Variants in RASGRF2 observed in about 807,000 individuals in gnomAD.
The protein encoded by RASGRF2 is ras-specific guanine nucleotide-releasing factor 2.
Under a neutral mutation model 151.0 loss-of-function variants are expected in RASGRF2, and 76 were observed. That is an observed-to-expected ratio of 0.50 (90% confidence interval 0.42 to 0.61). The LOEUF (loss-of-function observed/expected upper bound fraction) is 0.61. Ranked by LOEUF, RASGRF2 falls within the 20% of genes least tolerant of loss-of-function variation. The probability of loss-of-function intolerance (pLI) is 0.00; values close to 1 mark genes in which losing one functional copy is unlikely to be tolerated. For synonymous variants in RASGRF2, 504 were observed against 566.5 expected, an observed-to-expected ratio of 0.89 and a Z score of 1.57; for missense variants, 1,148 against 1,564.6, an observed-to-expected ratio of 0.73 and a Z score of 4.49.
intron 2 of RASGRF2, among the ~76,000 whole-genome samples, chr5:81,048,457 A>G (rs546127170): frequency 6.6e-6 from 1 of 152,280 alleles, no homozygotes; most frequent in East Asian, 1.9e-4. Flanking sequence ...GATGGTTACA[A>G]TTGTTTTCTA....
chr5:81,016,648 A>G (rs1561555973), intron 1 of RASGRF2, among the ~76,000 whole-genome samples: 1 of 152,212 alleles, frequency 6.6e-6, no homozygotes, highest in South Asian at 2.1e-4. Flanking sequence ...TGTATTTAAT[A>G]GAATAATATA....
At chr5:80,981,535 G>A (rs1367661825) in intron 1 of RASGRF2, among the ~76,000 whole-genome samples, 3 of 152,010 alleles carry the variant, frequency 2.0e-5, no homozygotes. Context: ...GTGTATGTGC[G>A]TGTTTGTGTG....
chr5:81,195,301 T>C (rs1021482526), intron 18 of RASGRF2, among the ~76,000 whole-genome samples: 6 of 152,164 alleles, frequency 3.9e-5, no homozygotes, highest in African/African-American at 1.4e-4. Flanking sequence ...TTTCAGGACT[T>C]GGGGAAATGT....
chr5:81,151,240 G>A (rs945891774), intron 17 of RASGRF2, among the ~76,000 whole-genome samples: 1 of 152,188 alleles, frequency 6.6e-6, no homozygotes, highest in South Asian at 2.1e-4. Context: ...GGCATCCCCT[G>A]AGCATGTTCC....
At chr5:81,189,804 C>G (rs1755116651) in intron 18 of RASGRF2, among the ~76,000 whole-genome samples, 1 of 151,178 alleles carries the variant, frequency 6.6e-6, no homozygotes, top group Non-Finnish European at 1.5e-5. Context: ...CTACACCTCC[C>G]AGGTTCAAGC....
intron 13 of RASGRF2, among the ~76,000 whole-genome samples, chr5:81,112,354 G>T (rs1352635591): frequency 6.6e-6 from 1 of 152,178 alleles, no homozygotes; most frequent in Non-Finnish European, 1.5e-5. Flanking sequence ...TATACAGGAG[G>T]ATGTGCATAG....
At chr5:81,225,195 A>C (rs1038380299) in intron 26 of RASGRF2, among the ~76,000 whole-genome samples, 6 of 152,232 alleles carry the variant, frequency 3.9e-5, no homozygotes, top group African/African-American at 1.4e-4. Flanking sequence ...ACAGTGAAGT[A>C]TTGACAGCAA....
At chr5:81,125,024 A>G (rs1412723637) in intron 16 of RASGRF2, among the ~76,000 whole-genome samples, 2 of 152,068 alleles carry the variant, frequency 1.3e-5, no homozygotes, top group Non-Finnish European at 2.9e-5. Context: ...AGTAGCCAGG[A>G]TTACAGCCGT....
chr5:81,108,907 T>C, intron 12 of RASGRF2, 89 bp from the exon 13 acceptor site: 1 of 1,464,022 alleles, frequency 6.8e-7, no homozygotes, highest in Non-Finnish European at 9.1e-7. Flanking sequence ...AGAAATTGAA[T>C]GGATTCTTTT....
intron 1 of RASGRF2, among the ~76,000 whole-genome samples, chr5:80,986,474 A>G (rs1026247657): frequency 2.6e-5 from 4 of 152,188 alleles, no homozygotes; most frequent in Non-Finnish European, 2.9e-5. Context: ...CTACCAGTAC[A>G]GGTATGTAGT....
At position 81,116,914 on chromosome 5, in the gene RASGRF2, C is replaced by T. The variant is rs552210012; in HGVS notation, c.2470+2994C>T. The stretch of plus-strand genomic sequence containing the variant: ...AATAAGAAAATGCAGTATGCAGATA[C>T]TACATTTTCTTTATGCATTTATCCA... On this transcript the variant is annotated intron_variant, in intron 15 of 26. Coordinates refer to ENST00000265080, the MANE Select transcript of RASGRF2 (RefSeq NM_006909.3). 7.9e-5 allele frequency among the ~76,000 whole-genome samples: 12 copies of T among 152,316 alleles called. No individual in the cohort carries two copies. The South Asian group carries it at 2.5e-3, about 32-fold the overall frequency.
At chr5:80,982,224 A>G (rs928864224) in intron 1 of RASGRF2, among the ~76,000 whole-genome samples, 8 of 152,204 alleles carry the variant, frequency 5.3e-5, no homozygotes, top group Admixed American at 2.0e-4. Context: ...ACTCAGGCCT[A>G]TGAAAGAAGT....
chr5:81,042,864 T>G lies in RASGRF2; in HGVS notation c.289-13T>G, dbSNP rs1750720004. ...AATAGAACTAAGTTTTTTGTGTTTC[T>G]TTTTCTTTCCAGTATTACTTTACTG... On this transcript the variant is annotated splice_polypyrimidine_tract_variant and intron_variant, in intron 1 of 26. Coordinates refer to ENST00000265080, the MANE Select transcript of RASGRF2 (RefSeq NM_006909.3). 27 of 1,584,924 alleles carry G rather than the reference T, an allele frequency of 1.7e-5. No individual in the cohort carries two copies. The highest frequency in any genetic ancestry group is 2.1e-5 in the Non-Finnish European group (24 of 1,160,762).
At chr5:81,091,509 A>G (rs1752387683) in intron 9 of RASGRF2, among the ~76,000 whole-genome samples, 1 of 152,148 alleles carries the variant, frequency 6.6e-6, no homozygotes. Context: ...CAAGCATCCC[A>G]CTGCAGCACT....
chr5:81,055,381 T>A (rs1222605125), intron 2 of RASGRF2, among the ~76,000 whole-genome samples: 5 of 152,206 alleles, frequency 3.3e-5, no homozygotes, highest in African/African-American at 9.7e-5. Flanking sequence ...TCTATTGAGA[T>A]AATCATGTGG....
chr5:81,176,497 C>G (rs1175072723), intron 17 of RASGRF2, among the ~76,000 whole-genome samples: 2 of 152,006 alleles, frequency 1.3e-5, no homozygotes, highest in African/African-American at 4.8e-5. Context: ...TCTAATAGTT[C>G]TCATATCTGA....
intron 7 of RASGRF2, among the ~76,000 whole-genome samples, chr5:81,083,505 C>A (rs1325173748): frequency 6.6e-6 from 1 of 152,122 alleles, no homozygotes; most frequent in African/African-American, 2.4e-5. Flanking sequence ...CTGCTGTTAT[C>A]AAGCTATGTT....
intron 1 of RASGRF2, among the ~76,000 whole-genome samples, chr5:80,978,646 G>C (rs1157145932): frequency 6.6e-6 from 1 of 152,102 alleles, no homozygotes; most frequent in Non-Finnish European, 1.5e-5. Context: ...AATTAGCTGG[G>C]CGCGATGGCG....
At chr5:81,169,906 ACCACCTGCG>A (rs1754608282) in intron 17 of RASGRF2, among the ~76,000 whole-genome samples, 6 of 129,030 alleles carry the variant, frequency 4.7e-5, no homozygotes, top group African/African-American at 1.8e-4. Flanking sequence ...TATCACCCAT[ACCACCTGCG>A]TCACCTGCAT....
Sources: gnomAD v4.1 joint callset for allele counts (sites outside exome capture counted in the v4.1 genomes callset) on GRCh38, gnomAD v4.1.1 for gene constraint, MANE v1.5 for transcripts, NCBI Gene and HGNC (gene_info 2026-07-23, HGNC 2026-07-21) for gene names.